The following NLRP5 variants were observed in gnomAD, a reference collection of about 807,000 sequenced individuals.
NLRP5 encodes NLR family pyrin domain containing 5.
NLRP5 carries 93 observed loss-of-function variants against 113.1 expected under a neutral mutation model. That is an observed-to-expected ratio of 0.82 (90% CI 0.70 to 0.98). The LOEUF (loss-of-function observed/expected upper bound fraction) is 0.98. NLRP5 is among the 50% of genes least tolerant of loss of function. The probability of loss-of-function intolerance (pLI) is 0.00; values close to 1 mark genes in which losing one functional copy is unlikely to be tolerated. For missense variants in NLRP5, 1,808 were observed against 1,514.3 expected (o/e 1.19, Z -3.22); for synonymous variants, 751 against 600.7 (o/e 1.25, Z -3.66).
At chr19:56,024,017 TGAGGCAAAAA>T (rs1232873385) in intron 6 of NLRP5, among the ~76,000 whole-genome samples, 1 of 152,104 alleles carries the variant, frequency 6.6e-6, no homozygotes. Context: ...CTGGAACTAT[TGAGGCAAAAA>T]GACAAGGTAT....
At chr19:56,021,157 G>A (rs956027632) in intron 6 of NLRP5, among the ~76,000 whole-genome samples, 19 of 151,982 alleles carry the variant, frequency 1.3e-4, no homozygotes, top group African/African-American at 3.6e-4. Context: ...GGCATTTGCC[G>A]CTGTGCCCAG....
intron 11 of NLRP5, among the ~76,000 whole-genome samples, chr19:56,041,940 C>T (rs1290154682): frequency 6.6e-6 from 1 of 152,196 alleles, no homozygotes; most frequent in Non-Finnish European, 1.5e-5. Flanking sequence ...GCCTGGGCAA[C>T]AGAGTGAGAC....
intron 10 of NLRP5, among the ~76,000 whole-genome samples, chr19:56,040,366 G>C (rs760863832): frequency 1.3e-5 from 2 of 152,054 alleles, no homozygotes; most frequent in Admixed American, 6.6e-5. Flanking sequence ...GGCCAGCTTC[G>C]AGACCAGCCT....
chr19:55,992,471 T>A, the NLRP5 span, among the ~76,000 whole-genome samples: 1 of 152,190 alleles, frequency 6.6e-6, no homozygotes, highest in African/African-American at 2.4e-5. Context: ...CTGAACTGAT[T>A]TACACTCCCA....
chr19:55,992,796 C>T, the NLRP5 span, among the ~76,000 whole-genome samples: 2 of 152,156 alleles, frequency 1.3e-5, no homozygotes, highest in Non-Finnish European at 1.5e-5. Flanking sequence ...AAAATAGATA[C>T]ATTTGCTGCA....
chr19:55,998,714 G>GTGTGTGTATATATATATATGTGTATA (rs796632835), upstream of NLRP5, among the ~76,000 whole-genome samples: 3 of 76,006 alleles, frequency 3.9e-5, no homozygotes, highest in East Asian at 1.3e-3. Flanking sequence ...GTGTGTGTGT[G>GTGTGTGTATATATATATATGTGTATA]TATATATATA....
intron 3 of NLRP5, among the ~76,000 whole-genome samples, chr19:56,012,146 C>CT (rs1161849792): frequency 1.3e-5 from 2 of 151,910 alleles, no homozygotes; most frequent in Non-Finnish European, 2.9e-5. Flanking sequence ...GTAGTGGCTG[C>CT]TTTTTTTCTT....
At chr19:56,054,062 C>G (rs1377741503) in intron 13 of NLRP5, among the ~76,000 whole-genome samples, 2 of 152,134 alleles carry the variant, frequency 1.3e-5, no homozygotes, top group Admixed American at 1.3e-4. Flanking sequence ...TTGAACGACC[C>G]CTGCGTGCTA....
intron 7 of NLRP5, among the ~76,000 whole-genome samples, chr19:56,030,717 T>C (rs113093014): frequency 1.1e-4 from 6 of 55,682 alleles, no homozygotes; most frequent in Non-Finnish European, 2.2e-4. Flanking sequence ...TCTTCTTCTT[T>C]TTTTTTTTTT....
chr19:56,028,232 C>T lies in NLRP5; in HGVS notation c.1999C>T (p.His667Tyr), dbSNP rs1982955094. Residue 667 changes from histidine to tyrosine, a missense_variant, in exon 7 of 15, where the codon CAC becomes TAC. Coordinates refer to ENST00000390649, the MANE Select transcript of NLRP5 (RefSeq NM_153447.4). ...CCTGGGGGTGAAGCAGAAGCTTCTG[C>T]ACTGGGTCTCTCTGTTGGGTCAGCA... 1.2e-6 allele frequency: 2 copies of T among 1,613,806 alleles called. No individual in the cohort carries two copies. Among genetic ancestry groups the T allele is most frequent in the Non-Finnish European group, 1.7e-6 (2 of 1,179,914 alleles).
chr19:56,032,756 C>A lies in NLRP5; in HGVS notation c.2422C>A (p.Pro808Thr). ...GACCCTGTGTGCCAAGCTGAGGCATCCCACCTGCAAGATACAGACCCTGAT... is the reference window on the plus strand; with the variant it reads ...GACCCTGTGTGCCAAGCTGAGGCATACCACCTGCAAGATACAGACCCTGAT... The change falls in exon 8 of 15, where the codon CCC becomes ACC. Residue 808 changes from proline to threonine, a missense_variant. Coordinates refer to ENST00000390649, the MANE Select transcript of NLRP5 (RefSeq NM_153447.4). The A allele has an allele frequency of 6.2e-7, 1 of 1,611,888 alleles. No homozygotes were observed.
At chr19:55,987,172 C>G in the NLRP5 span, among the ~76,000 whole-genome samples, 2 of 152,108 alleles carry the variant, frequency 1.3e-5, no homozygotes, top group Non-Finnish European at 2.9e-5. Flanking sequence ...AGTTCAAGAC[C>G]AGCCTGGCCA....
intron 7 of NLRP5, among the ~76,000 whole-genome samples, chr19:56,031,398 G>A (rs1455358907): frequency 2.0e-5 from 3 of 152,128 alleles, no homozygotes; most frequent in Non-Finnish European, 4.4e-5. Flanking sequence ...GGAGGCCAAG[G>A]TGGGTGGATC....
chr19:55,993,102 G>A, the NLRP5 span, among the ~76,000 whole-genome samples: 1 of 151,846 alleles, frequency 6.6e-6, no homozygotes, highest in Non-Finnish European at 1.5e-5. Context: ...ACCCACCTCG[G>A]CCTCCCAAAG....
At chr19:55,998,802 T>G (rs1450817133), upstream of NLRP5, among the ~76,000 whole-genome samples, 1 of 150,012 alleles carries the variant, frequency 6.7e-6, no homozygotes, top group Non-Finnish European at 1.5e-5. Context: ...AATCCACTTT[T>G]ATTTTTAATT....
intron 6 of NLRP5, among the ~76,000 whole-genome samples, chr19:56,022,068 G>A (rs959468814): frequency 6.6e-6 from 1 of 152,118 alleles, no homozygotes; most frequent in African/African-American, 2.4e-5. Context: ...AAAAACTAAT[G>A]GTTGCCAGTG....
At chr19:55,997,308 TTCA>T (rs1019028159), upstream of NLRP5, among the ~76,000 whole-genome samples, 67 of 152,202 alleles carry the variant, frequency 4.4e-4, no homozygotes, top group African/African-American at 1.6e-3. Context: ...TGAATCCCAC[TTCA>T]TCATGGGGAA....
chr19:56,005,524 A>G lies in NLRP5; in HGVS notation c.442+1429A>G, dbSNP rs562914693. Among the ~76,000 whole-genome samples the G allele has an allele frequency of 1.0e-3, 125 of 124,562 alleles. 1 individual carries two copies. The highest frequency in any genetic ancestry group is 3.1e-3 in the African/African-American group (105 of 34,070). The allele number at this position is 124,562 out of a possible 152,430, so 81.7% of individuals were successfully genotyped here. On this transcript the variant is annotated intron_variant, in intron 2 of 14. Transcript: ENST00000390649. ...TGCCTGTACACATATATATTTATAC[A>G]CACACACGCACACACGCAGGTGGCA...
intron 14 of NLRP5, among the ~76,000 whole-genome samples, chr19:56,060,964 T>G (rs1175577051): frequency 1.3e-5 from 2 of 152,146 alleles, no homozygotes; most frequent in Non-Finnish European, 2.9e-5. Context: ...ATCTTGAGAT[T>G]AGTAGGTGAT....
Sources: allele counts gnomAD v4.1 joint callset (sites outside exome capture counted in the v4.1 genomes callset), GRCh38; gene constraint gnomAD v4.1.1; transcripts MANE v1.5; gene names NCBI Gene and HGNC (gene_info 2026-07-23, HGNC 2026-07-21).